Variants in LDB1 observed in about 807,000 individuals in gnomAD.
The protein encoded by LDB1 is LIM domain-binding protein 1.
LDB1 carries 6 observed loss-of-function variants against 49.7 expected under a neutral mutation model. The ratio of observed to expected loss-of-function variants is 0.12; its 90% CI spans 0.07 to 0.24. The LOEUF is 0.24. Ranked by LOEUF, LDB1 falls within the 10% of genes least tolerant of loss-of-function variation. The probability of loss-of-function intolerance (pLI) is 1.00; values close to 1 mark genes in which losing one functional copy is unlikely to be tolerated. For missense variants in LDB1, 341 were observed against 561.7 expected (o/e 0.61, Z 3.97); for synonymous variants, 233 against 202.0 (o/e 1.15, Z -1.30).
chr10:102,110,055 C>T lies in LDB1; in HGVS notation c.526-12G>A, dbSNP rs1241584697. The stretch of plus-strand genomic sequence containing the variant: ...CCCTCCACACACACCTGGGGACAGG[C>T]TTGTCAGAACCCTGCCCCCTCCCCA... On this transcript the variant is annotated splice_polypyrimidine_tract_variant and intron_variant, in intron 6 of 10. Transcript: ENST00000673968. 1 of 1,609,486 alleles carries T rather than the reference C, an allele frequency of 6.2e-7. No homozygotes were observed. The highest frequency in any genetic ancestry group is 8.5e-7 in the Non-Finnish European group (1 of 1,177,016).
At chr10:102,115,178 AC>A (rs898575868) in intron 1 of LDB1, among the ~76,000 whole-genome samples, 10 of 151,788 alleles carry the variant, frequency 6.6e-5, no homozygotes, top group African/African-American at 2.4e-4. Context: ...GCCAGGAGAG[AC>A]CTGGATGGAG....
chr10:102,118,448 C>G (rs1268275004), intron 1 of LDB1, among the ~76,000 whole-genome samples: 1 of 152,158 alleles, frequency 6.6e-6, no homozygotes, highest in African/African-American at 2.4e-5. Flanking sequence ...GGGCTTGGGC[C>G]CTCTTCCTGT....
rs1401641124 is a variant in LDB1 at position 102,107,468 on chromosome 10, T to A, written c.*625A>T. 2 of 152,414 alleles carry A rather than the reference T, an allele frequency of 1.3e-5. No homozygotes were observed. Among genetic ancestry groups the A allele is most frequent in the Non-Finnish European group, 2.9e-5 (2 of 68,322 alleles). The allele number at this position is 152,414 out of a possible 1,614,324, so 9.4% of individuals were successfully genotyped here. ...TGGTATGCACACCTCCCTCCCCCAC[T>A]CTCACCCCCACCTAGGCCCTAGGCC... On this transcript the variant is annotated 3_prime_UTR_variant, in exon 11 of 11. Transcript: ENST00000673968.
upstream of LDB1, chr10:102,120,496 C>G (rs926421172): frequency 1.4e-5 from 7 of 482,854 alleles, no homozygotes; most frequent in African/African-American, 1.5e-4. Flanking sequence ...CCAGCCCAAG[C>G]CGGGCAGGGC....
chr10:102,102,143 T>C (rs1001290074), downstream of LDB1, among the ~76,000 whole-genome samples: 1 of 152,244 alleles, frequency 6.6e-6, no homozygotes, highest in African/African-American at 2.4e-5. Context: ...CAGGTGGGTC[T>C]TGAACTCCTG....
intron 4 of LDB1, 49 bp from the exon 5 acceptor site, chr10:102,111,020 G>A: frequency 1.2e-6 from 2 of 1,611,110 alleles, no homozygotes; most frequent in Non-Finnish European, 1.7e-6. Context: ...TATCCCATAG[G>A]GTGCCCAGAT....
chr10:102,110,375 T>C, intron 6 of LDB1, 154 bp downstream of exon 6: 2 of 749,218 alleles, frequency 2.7e-6, no homozygotes, highest in East Asian at 2.7e-5. Flanking sequence ...ACACAATACA[T>C]GTTTGCTGAC....
intron 1 of LDB1, chr10:102,114,973 C>A (rs1401732158): frequency 2.3e-6 from 1 of 429,644 alleles, no homozygotes; most frequent in Non-Finnish European, 3.1e-6. Context: ...CCTCCCTCCC[C>A]GCTCGCTCTC....
downstream of LDB1, among the ~76,000 whole-genome samples, chr10:102,103,792 C>T (rs900055514): frequency 1.3e-5 from 2 of 151,610 alleles, no homozygotes; most frequent in African/African-American, 2.4e-5. Flanking sequence ...CCAGCCTCGT[C>T]GACAGAACAA....
At position 102,117,914 on chromosome 10, in the gene LDB1, C is replaced by T. The variant is rs1023597209; in HGVS notation, c.25+2172G>A. Among the ~76,000 whole-genome samples the T allele has an allele frequency of 1.3e-5, 2 of 152,164 alleles. No individual in the cohort carries two copies. The highest frequency in any genetic ancestry group is 4.8e-5 in the African/African-American group (2 of 41,428). ...GTGCATGTGTGTGGGTCTGTGTGCG[C>T]TCTGGCTTCCCTCAGTCACATGTGT... On this transcript the variant is annotated intron_variant, in intron 1 of 10. Transcript: ENST00000673968. The surrounding 1 kb of genome is among the most constrained non-coding windows in gnomAD (Gnocchi z 4.2).
chr10:102,110,308 AG>A (rs1191192752), intron 6 of LDB1: 1 of 625,090 alleles, frequency 1.6e-6, no homozygotes, highest in African/African-American at 1.8e-5. Context: ...AAGCTATATG[AG>A]GGCAGACTCT....
At position 102,108,042 on chromosome 10, in the gene LDB1, G is replaced by T. The variant is rs1231012719; in HGVS notation, c.*51C>A. 3 of 1,372,514 alleles carry T rather than the reference G, an allele frequency of 2.2e-6. No homozygotes were observed. Among genetic ancestry groups the T allele is most frequent in the South Asian group, 1.2e-5 (1 of 86,034 alleles). The allele number at this position is 1,372,514 out of a possible 1,614,324, so 85.0% of individuals were successfully genotyped here. ...ATTCTGTCTTCTGCTCCCTGGGGCT[G>T]TGAGGGGTGGGGCAGGTAGGCAGAG... On this transcript the variant is annotated 3_prime_UTR_variant, in exon 11 of 11. Coordinates refer to ENST00000673968, the MANE Select transcript of LDB1 (RefSeq NM_001113407.3).
intron 1 of LDB1, among the ~76,000 whole-genome samples, chr10:102,116,916 C>T (rs1233176349): frequency 3.3e-5 from 5 of 150,868 alleles, no homozygotes; most frequent in Admixed American, 2.7e-4. Context: ...CATTCACAGG[C>T]AGTACCTCAA....
At chr10:102,120,372 C>T, upstream of LDB1, 1 of 983,982 alleles carries the variant, frequency 1.0e-6, no homozygotes, top group Non-Finnish European at 1.2e-6. Context: ...AGTGTGTGTC[C>T]GTGTGTGCGT....
chr10:102,113,418 A>G (rs2068284652), intron 1 of LDB1, among the ~76,000 whole-genome samples: 1 of 152,162 alleles, frequency 6.6e-6, no homozygotes, highest in African/African-American at 2.4e-5. Context: ...CCACATCCAT[A>G]TGCTCCAAGA....
At chr10:102,114,630 G>T in intron 1 of LDB1, 1 of 983,028 alleles carries the variant, frequency 1.0e-6, no homozygotes. Context: ...AGTTACAATG[G>T]CCACTGGGCC....
chr10:102,114,526 G>C (rs917346793), intron 1 of LDB1: 2 of 985,936 alleles, frequency 2.0e-6, no homozygotes, highest in Non-Finnish European at 2.4e-6. Flanking sequence ...GAGTGGGACG[G>C]GCAGGCCCGA....
At chr10:102,111,894 G>A (rs1447778933) in intron 1 of LDB1, among the ~76,000 whole-genome samples, 1 of 152,106 alleles carries the variant, frequency 6.6e-6, no homozygotes, top group Non-Finnish European at 1.5e-5. Context: ...GGAGCTGTCC[G>A]ATAATCCTGC....
intron 1 of LDB1, among the ~76,000 whole-genome samples, chr10:102,115,395 G>C (rs915453749): frequency 6.6e-6 from 1 of 152,184 alleles, no homozygotes; most frequent in African/African-American, 2.4e-5. Flanking sequence ...TTGAAGGCTG[G>C]CCCGGACTGC....
Sources: allele counts gnomAD v4.1 joint callset (sites outside exome capture counted in the v4.1 genomes callset), GRCh38; gene constraint gnomAD v4.1.1; non-coding constraint Gnocchi (gnomAD v3.1); transcripts MANE v1.5; gene names NCBI Gene and HGNC (gene_info 2026-07-23, HGNC 2026-07-21).